VRK2: variants seen among roughly 807,000 people sequenced by gnomAD.
VRK2 encodes VRK serine/threonine kinase 2.
In VRK2, 60 loss-of-function variants were observed where a neutral mutation model predicts 57.6. The observed-to-expected ratio is 1.04, with a 90% confidence interval of 0.85 to 1.29. VRK2 has a LOEUF of 1.29. VRK2 is among the 50% of genes most tolerant of loss of function. The pLI, the probability that VRK2 is intolerant of heterozygous loss-of-function variation, is 0.00. For missense variants in VRK2, 705 were observed against 588.1 expected (o/e 1.20, Z -2.06); for synonymous variants, 231 against 199.2 (o/e 1.16, Z -1.35).
At chr2:58,120,909 A>G (rs780341167) in intron 7 of VRK2, among the ~76,000 whole-genome samples, 115 of 152,272 alleles carry the variant, frequency 7.6e-4, no homozygotes, top group Non-Finnish European at 1.2e-3. Flanking sequence ...CAGTGCTTTA[A>G]AACTCCCACC....
chr2:58,123,405 C>A (rs1677825991), intron 8 of VRK2, among the ~76,000 whole-genome samples, 172 bp downstream of exon 8: 1 of 152,088 alleles, frequency 6.6e-6, no homozygotes, highest in Non-Finnish European at 1.5e-5. Context: ...TTTCTTCTAA[C>A]AGTGGAAAGA....
At chr2:58,122,436 C>T (rs183030154) in intron 7 of VRK2, among the ~76,000 whole-genome samples, 6 of 151,942 alleles carry the variant, frequency 3.9e-5, no homozygotes, top group South Asian at 4.2e-4. Context: ...TTATACATAC[C>T]GTATTCTTAC....
At chr2:58,125,140 A>G (rs967056997) in intron 8 of VRK2, among the ~76,000 whole-genome samples, 2 of 152,144 alleles carry the variant, frequency 1.3e-5, no homozygotes, top group African/African-American at 2.4e-5. Flanking sequence ...AATGATACCA[A>G]CTTATGTTTG....
chr2:58,012,865 T>G (rs1484966572), intron 1 of VRK2, among the ~76,000 whole-genome samples: 1 of 152,222 alleles, frequency 6.6e-6, no homozygotes, highest in African/African-American at 2.4e-5. Context: ...ACTAAATATT[T>G]TAGTTACCAT....
chr2:58,149,539 T>C (rs533031421), intron 12 of VRK2, among the ~76,000 whole-genome samples: 1 of 151,770 alleles, frequency 6.6e-6, no homozygotes, highest in South Asian at 2.1e-4. Flanking sequence ...TTTTTTATCG[T>C]TGTCTTATTA....
chr2:57,915,695 G>A (rs895301677), intron 1 of VRK2, among the ~76,000 whole-genome samples: 6 of 152,130 alleles, frequency 3.9e-5, no homozygotes, highest in Non-Finnish European at 8.8e-5. Flanking sequence ...GTCATAAAAG[G>A]CTCAAGCTGC....
chr2:57,938,179 C>T (rs942535535), intron 1 of VRK2, among the ~76,000 whole-genome samples: 1 of 152,182 alleles, frequency 6.6e-6, no homozygotes, highest in Non-Finnish European at 1.5e-5. Flanking sequence ...GTCAACTACA[C>T]TTTAAATCAT....
chr2:58,063,937 T>C (rs1553390172), intron 2 of VRK2, among the ~76,000 whole-genome samples: 1 of 152,084 alleles, frequency 6.6e-6, no homozygotes, highest in Non-Finnish European at 1.5e-5. Context: ...TGTGGGTGAC[T>C]TTGCGGGGTT....
At chr2:58,048,070 T>C (rs1467338670) in intron 1 of VRK2, among the ~76,000 whole-genome samples, 1 of 152,216 alleles carries the variant, frequency 6.6e-6, no homozygotes, top group African/African-American at 2.4e-5. Context: ...ACTCAGAATT[T>C]CCCATTGAGA....
intron 1 of VRK2, among the ~76,000 whole-genome samples, chr2:57,912,056 A>C (rs1670001446): frequency 6.6e-6 from 1 of 152,264 alleles, no homozygotes; most frequent in Non-Finnish European, 1.5e-5. Context: ...TTTACAATAC[A>C]AAATGAAAAG....
chr2:58,139,868 T>G (rs1558691130), intron 11 of VRK2, 36 bp downstream of exon 11: 2 of 1,538,920 alleles, frequency 1.3e-6, no homozygotes, highest in Non-Finnish European at 1.8e-6. Flanking sequence ...TATGATTACC[T>G]TCTATGATAC....
At chr2:57,992,971 T>A (rs1290563827) in intron 1 of VRK2, among the ~76,000 whole-genome samples, 1 of 152,188 alleles carries the variant, frequency 6.6e-6, no homozygotes, top group African/African-American at 2.4e-5. Context: ...TTGGGTAAAG[T>A]TTTTCAACTC....
At chr2:57,966,222 G>C (rs1051528029) in intron 1 of VRK2, among the ~76,000 whole-genome samples, 2 of 152,148 alleles carry the variant, frequency 1.3e-5, no homozygotes, top group African/African-American at 4.8e-5. Flanking sequence ...AGGCCCATGG[G>C]CATTATGATG....
intron 1 of VRK2, among the ~76,000 whole-genome samples, chr2:58,001,740 T>C (rs1328163188): frequency 6.6e-6 from 1 of 152,028 alleles, no homozygotes; most frequent in Non-Finnish European, 1.5e-5. Flanking sequence ...GAGAATCGCT[T>C]GAACCTGGGA....
intron 1 of VRK2, among the ~76,000 whole-genome samples, chr2:57,924,337 A>G (rs925820994): frequency 6.6e-6 from 1 of 152,022 alleles, no homozygotes; most frequent in Admixed American, 6.6e-5. Flanking sequence ...AACAATATTG[A>G]TTCTTCCAAT....
chr2:58,001,844 G>GTAATAA (rs1250273825), intron 1 of VRK2, among the ~76,000 whole-genome samples: 2 of 151,778 alleles, frequency 1.3e-5, no homozygotes, highest in East Asian at 1.9e-4. Flanking sequence ...AATAGTAGTA[G>GTAATAA]TAATAATAAT....
chr2:58,079,180 T>C (rs1424734584), intron 2 of VRK2, among the ~76,000 whole-genome samples: 1 of 152,142 alleles, frequency 6.6e-6, no homozygotes, highest in East Asian at 1.9e-4. Flanking sequence ...AGAAATGATA[T>C]TTTGCTTCTC....
At chr2:58,031,395 G>A (rs767463264) in intron 2 of VRK2, among the ~76,000 whole-genome samples, 17 of 151,992 alleles carry the variant, frequency 1.1e-4, no homozygotes, top group Non-Finnish European at 7.4e-5. Flanking sequence ...CTGAGCTTGG[G>A]AGGGATATAT....
At chr2:57,934,834 A>C (rs557766524) in intron 1 of VRK2, among the ~76,000 whole-genome samples, 1 of 152,032 alleles carries the variant, frequency 6.6e-6, no homozygotes, top group South Asian at 2.1e-4. Flanking sequence ...TGATTCTACC[A>C]CTTGATTAAG....
Sources: gnomAD v4.1 joint callset for allele counts (sites outside exome capture counted in the v4.1 genomes callset) on GRCh38, gnomAD v4.1.1 for gene constraint, MANE v1.5 for transcripts, NCBI Gene and HGNC (gene_info 2026-07-23, HGNC 2026-07-21) for gene names.